CACNA1E: variants seen among roughly 807,000 people sequenced by gnomAD.
The protein encoded by CACNA1E is calcium voltage-gated channel subunit alpha1 E, also known as voltage-dependent R-type calcium channel subunit alpha-1E.
Under a neutral mutation model 259.2 loss-of-function variants are expected in CACNA1E, and 40 were observed. The ratio of observed to expected loss-of-function variants is 0.15; its 90% CI spans 0.12 to 0.20. The LOEUF (loss-of-function observed/expected upper bound fraction) is 0.20. Ranked by LOEUF, CACNA1E falls within the 10% of genes least tolerant of loss-of-function variation. The probability of loss-of-function intolerance (pLI) is 1.00; values close to 1 mark genes in which losing one functional copy is unlikely to be tolerated. For missense variants in CACNA1E, 1,874 were observed against 3,040.1 expected (o/e 0.62, Z 9.02); for synonymous variants, 1,104 against 1,138.5 (o/e 0.97, Z 0.61).
chr1:181,522,805 C>G (rs1667087642), intron 3 of CACNA1E, among the ~76,000 whole-genome samples: 1 of 152,206 alleles, frequency 6.6e-6, no homozygotes, highest in African/African-American at 2.4e-5. Flanking sequence ...CATATGGACT[C>G]TGGTGATAGA....
At chr1:181,504,336 C>T (rs1028528448) in intron 1 of CACNA1E, among the ~76,000 whole-genome samples, 1 of 152,138 alleles carries the variant, frequency 6.6e-6, no homozygotes, top group African/African-American at 2.4e-5. Context: ...CCCACAAAAG[C>T]ATATTCTGCA....
intron 3 of CACNA1E, among the ~76,000 whole-genome samples, chr1:181,561,394 A>G (rs1649313169): frequency 6.6e-6 from 1 of 152,196 alleles, no homozygotes; most frequent in Non-Finnish European, 1.5e-5. Flanking sequence ...TACTACCATA[A>G]TCAAGATATA....
intron 2 of CACNA1E, among the ~76,000 whole-genome samples, chr1:181,440,451 G>T (rs1244765157): frequency 3.9e-5 from 6 of 152,288 alleles, no homozygotes; most frequent in African/African-American, 1.4e-4. Flanking sequence ...ACTGAAAGTT[G>T]TGTGTGTCAA....
Position 181,798,180 on chromosome 1 carries a change from A to G in CACNA1E, c.6400-112A>G, listed in dbSNP as rs1373491922. On this transcript the variant is annotated intron_variant, in intron 47 of 47. Transcript: ENST00000367573. This position sits in a 1 kb window ranked among gnomAD's most constrained non-coding sequence, Gnocchi z 4.2. ...GGATGTGAATACTACAGGGAGCTCC[A>G]GCTCAGGCCTCTCCCTGACAGAATT... The G allele has an allele frequency of 1.2e-6, 1 of 842,898 alleles. No homozygotes were observed. The highest frequency in any genetic ancestry group is 2.4e-5 in the East Asian group (1 of 40,850). 52.2% of individuals were successfully genotyped at this position (842,898 alleles called of 1,614,324 possible). A position where few individuals can be genotyped will look rare whatever the true frequency, so the allele number is the denominator to read the frequency against.
intron 6 of CACNA1E, among the ~76,000 whole-genome samples, chr1:181,647,824 G>A (rs78356408): frequency 1.1e-4 from 17 of 152,264 alleles, no homozygotes; most frequent in Admixed American, 3.3e-4. Context: ...TCACTGACCC[G>A]TGGACAAACA....
chr1:181,425,878 C>T (rs527747087), intron 2 of CACNA1E, among the ~76,000 whole-genome samples: 5 of 152,230 alleles, frequency 3.3e-5, no homozygotes, highest in South Asian at 4.1e-4. Context: ...TCCCTGCCCC[C>T]GCCTCTCCTG....
At chr1:181,477,481 G>A (rs149665010) in intron 2 of CACNA1E, among the ~76,000 whole-genome samples, 21 of 152,352 alleles carry the variant, frequency 1.4e-4, no homozygotes, top group African/African-American at 4.8e-4. Flanking sequence ...GGATTAATGA[G>A]TATTTGTTAA....
At chr1:181,406,297 T>C (rs1182779737) in intron 1 of CACNA1E, among the ~76,000 whole-genome samples, 1 of 152,232 alleles carries the variant, frequency 6.6e-6, no homozygotes, top group African/African-American at 2.4e-5. Context: ...TTTTACATAA[T>C]AAAAATGGTA....
intron 3 of CACNA1E, among the ~76,000 whole-genome samples, chr1:181,545,139 T>C (rs939123741): frequency 2.6e-5 from 4 of 151,924 alleles, no homozygotes; most frequent in African/African-American, 9.7e-5. Context: ...TGTACATAAA[T>C]AAGCATGGGG....
At chr1:181,601,630 T>C (rs1053026864) in intron 6 of CACNA1E, among the ~76,000 whole-genome samples, 11 of 152,232 alleles carry the variant, frequency 7.2e-5, no homozygotes, top group Non-Finnish European at 1.3e-4. Context: ...ATCCAGAATC[T>C]GCCTACCAAT....
chr1:181,617,581 C>T (rs1363427095), intron 6 of CACNA1E, among the ~76,000 whole-genome samples: 1 of 152,186 alleles, frequency 6.6e-6, no homozygotes, highest in East Asian at 1.9e-4. Flanking sequence ...GCCAATCCCC[C>T]TATCAAGAAC....
intron 1 of CACNA1E, among the ~76,000 whole-genome samples, chr1:181,411,729 C>A (rs1657859122): frequency 6.6e-6 from 1 of 152,218 alleles, no homozygotes; most frequent in African/African-American, 2.4e-5. Context: ...CCTGTCTCAG[C>A]CTCCCAAGTA....
At chr1:181,597,412 G>A (rs777955590) in intron 6 of CACNA1E, among the ~76,000 whole-genome samples, 10 of 152,022 alleles carry the variant, frequency 6.6e-5, no homozygotes, top group East Asian at 1.9e-4. Context: ...TTTGTGTTTC[G>A]CATTGTGTTA....
chr1:181,552,891 G>T (rs921915483), intron 3 of CACNA1E, among the ~76,000 whole-genome samples: 2 of 152,026 alleles, frequency 1.3e-5, no homozygotes, highest in African/African-American at 4.8e-5. Flanking sequence ...ATGGTGTTTC[G>T]GTTACTGTAG....
chr1:181,736,695 T>C (rs887125890), intron 22 of CACNA1E, among the ~76,000 whole-genome samples: 4 of 152,190 alleles, frequency 2.6e-5, no homozygotes, highest in Non-Finnish European at 5.9e-5. Context: ...GGAAAGGAAC[T>C]CTTTACCAGT....
chr1:181,799,547 C>G lies in CACNA1E; in HGVS notation c.*713C>G, dbSNP rs1662117151. 6.5e-6 allele frequency: 1 copy of G among 152,752 alleles called. No homozygotes were observed. Among genetic ancestry groups the G allele is most frequent in the South Asian group, 2.1e-4 (1 of 4,830 alleles). 9.5% of individuals were successfully genotyped at this position (152,752 alleles called of 1,614,324 possible). ...CTGGTGGTGCTGGGGGGTATAGCCC[C>G]CCATCCTTGAGGCCTGTCACCCACA... On this transcript the variant is annotated 3_prime_UTR_variant, in exon 48 of 48. Coordinates refer to ENST00000367573, the MANE Select transcript of CACNA1E (RefSeq NM_001205293.3).
At chr1:181,736,569 C>T in intron 22 of CACNA1E, 135 bp downstream of exon 22, 9 of 799,048 alleles carry the variant, frequency 1.1e-5, no homozygotes, top group South Asian at 2.0e-5. Context: ...CATGGCCAGA[C>T]ATTGAGCATC....
At chr1:181,711,101 G>C in intron 8 of CACNA1E, 32 bp downstream of exon 8, 1 of 1,447,218 alleles carries the variant, frequency 6.9e-7, no homozygotes, top group Middle Eastern at 1.7e-4. Flanking sequence ...AGGCTGGTGA[G>C]TGGGCTGCAG....
At chr1:181,398,894 G>A (rs558998910) in intron 1 of CACNA1E, among the ~76,000 whole-genome samples, 1 of 152,298 alleles carries the variant, frequency 6.6e-6, no homozygotes, top group Non-Finnish European at 1.5e-5. Flanking sequence ...TGAATCAAAA[G>A]GCAAAAGGCA....
Sources: allele counts gnomAD v4.1 joint callset (sites outside exome capture counted in the v4.1 genomes callset), GRCh38; gene constraint gnomAD v4.1.1; non-coding constraint Gnocchi (gnomAD v3.1); transcripts MANE v1.5; gene names NCBI Gene and HGNC (gene_info 2026-07-23, HGNC 2026-07-21).